Variants in MLKL observed in about 807,000 individuals in gnomAD.
MLKL encodes mixed lineage kinase domain like pseudokinase.
A neutral mutation model predicts 56.5 loss-of-function variants in MLKL; 55 were observed. The ratio of observed to expected loss-of-function variants is 0.97; its 90% CI spans 0.78 to 1.22. The LOEUF (loss-of-function observed/expected upper bound fraction) is 1.22. MLKL is among the 50% of genes most tolerant of loss of function. MLKL has a pLI of 0.00. For synonymous variants in MLKL, 251 were observed against 208.3 expected (o/e 1.20, Z -1.76); for missense variants, 694 against 573.9 (o/e 1.21, Z -2.14).
intron 10 of MLKL, among the ~76,000 whole-genome samples, chr16:74,673,729 A>G (rs1247335509): frequency 1.3e-5 from 2 of 151,972 alleles, no homozygotes; most frequent in African/African-American, 2.4e-5. Flanking sequence ...AAAAGGAGAA[A>G]GATAGTCAAA....
intron 2 of MLKL, among the ~76,000 whole-genome samples, chr16:74,693,813 C>T (rs1379034376): frequency 6.6e-6 from 1 of 152,024 alleles, no homozygotes. Context: ...CCGTGTTAGC[C>T]AGGATGGTCT....
At chr16:74,680,474 G>GTA (rs748823739) in intron 6 of MLKL, among the ~76,000 whole-genome samples, 40 of 151,676 alleles carry the variant, frequency 2.6e-4, no homozygotes, top group Non-Finnish European at 4.7e-4. Flanking sequence ...TCTGCGTTTG[G>GTA]TATTTTTTTT....
In MLKL at chr16:74,691,477, C is replaced by G; in HGVS notation, c.536-14G>C. ...TTGGTGGTAAATCTGACCTCACCCC[C>G]GAGAGGAAAGAAGACAAAAGAGTCA... On this transcript the variant is annotated splice_polypyrimidine_tract_variant and intron_variant, in intron 3 of 10. Coordinates refer to ENST00000308807, the MANE Select transcript of MLKL (RefSeq NM_152649.4). 2 of 1,603,928 alleles carry G rather than the reference C, an allele frequency of 1.2e-6. No individual in the cohort carries two copies. Among genetic ancestry groups the G allele is most frequent in the East Asian group, 2.2e-5 (1 of 44,798 alleles).
chr16:74,691,107 G>A (rs1960645294), intron 4 of MLKL, among the ~76,000 whole-genome samples, 170 bp downstream of exon 4: 1 of 151,886 alleles, frequency 6.6e-6, no homozygotes, highest in South Asian at 2.1e-4. Flanking sequence ...TAGAACTGAG[G>A]TGGAAAGATG....
chr16:74,699,459 G>C (rs1003750099), intron 1 of MLKL, among the ~76,000 whole-genome samples: 5 of 152,118 alleles, frequency 3.3e-5, no homozygotes, highest in Admixed American at 1.3e-4. Context: ...AACTTAAATT[G>C]TTTAAGGTCT....
intron 5 of MLKL, among the ~76,000 whole-genome samples, chr16:74,683,823 G>T (rs1430619873): frequency 6.6e-6 from 1 of 152,110 alleles, no homozygotes; most frequent in Non-Finnish European, 1.5e-5. Flanking sequence ...GGGCGGGTGA[G>T]GACTCAGACA....
intron 5 of MLKL, among the ~76,000 whole-genome samples, chr16:74,685,021 G>C (rs1034190867): frequency 6.6e-6 from 1 of 152,048 alleles, no homozygotes; most frequent in Non-Finnish European, 1.5e-5. Flanking sequence ...CCTGCCACCA[G>C]ACCCAGCTAA....
Position 74,675,480 on chromosome 16 carries a change from A to AC in MLKL, c.1191-77dup, listed in dbSNP as rs1190663318. 3 of 1,580,178 alleles carry AC rather than the reference A, an allele frequency of 1.9e-6. No individual in the cohort carries two copies. The African/African-American group carries it at 4.1e-5, about 21-fold the overall frequency. On this transcript the variant is annotated intron_variant, in intron 8 of 10. Transcript: ENST00000308807. ...CTGTCCCTCTAGCCACTGCCAGAAAACTCAGTGAATTTTTTGATTACTACC... is the reference window on the plus strand; with the variant it reads ...CTGTCCCTCTAGCCACTGCCAGAAAACCTCAGTGAATTTTTTGATTACTACC...
chr16:74,684,219 A>T (rs1960175938), intron 5 of MLKL, among the ~76,000 whole-genome samples: 1 of 151,816 alleles, frequency 6.6e-6, no homozygotes, highest in Non-Finnish European at 1.5e-5. Flanking sequence ...AAGTGCTGGG[A>T]TTACAGATGT....
Position 74,695,666 on chromosome 16 carries a change from A to C in MLKL, c.92T>G (p.Leu31Arg), listed in dbSNP as rs775648581. 5 of 1,614,010 alleles carry C rather than the reference A, an allele frequency of 3.1e-6. No individual in the cohort carries two copies. Among genetic ancestry groups the C allele is most frequent in the Non-Finnish European group, 4.2e-6 (5 of 1,180,034 alleles). Reference sequence around the variant, plus strand: ...GATCAGGCCGAGGACGCGGTGGCCCAGGCGCCGGCACTGTTTCTTGCAGTA... The same window carrying C: ...GATCAGGCCGAGGACGCGGTGGCCCCGGCGCCGGCACTGTTTCTTGCAGTA... ...MKYCKKQCRRLGHRVLGLIKP... is the reference protein window; with the variant it reads ...MKYCKKQCRRRGHRVLGLIKP... Residue 31 changes from leucine to arginine, a missense_variant, in exon 2 of 11, where the codon CTG becomes CGG. Coordinates refer to ENST00000308807, the MANE Select transcript of MLKL (RefSeq NM_152649.4).
intron 10 of MLKL, 141 bp downstream of exon 10, chr16:74,674,816 CAAT>C (rs776970831): frequency 3.4e-5 from 35 of 1,017,162 alleles, no homozygotes; most frequent in Middle Eastern, 5.3e-4. Context: ...TGACAAACAA[CAAT>C]GTTTCAGACA....
intron 4 of MLKL, among the ~76,000 whole-genome samples, chr16:74,686,456 G>A (rs997523490): frequency 3.3e-5 from 5 of 152,142 alleles, no homozygotes; most frequent in Admixed American, 6.5e-5. Context: ...GGTGGCGGGC[G>A]CCTGTAGCCC....
chr16:74,699,062 G>T (rs933785785), intron 1 of MLKL, among the ~76,000 whole-genome samples: 1 of 151,348 alleles, frequency 6.6e-6, no homozygotes, highest in Non-Finnish European at 1.5e-5. Context: ...GCACTGAGCC[G>T]AGATCACACC....
At chr16:74,689,289 AT>A (rs1202242889) in intron 4 of MLKL, among the ~76,000 whole-genome samples, 1 of 151,410 alleles carries the variant, frequency 6.6e-6, no homozygotes, top group Non-Finnish European at 1.5e-5. Flanking sequence ...TAATTTTTGT[AT>A]TTTTTAGTAG....
chr16:74,699,867 T>G (rs11859664), intron 1 of MLKL, among the ~76,000 whole-genome samples: 22,724 of 152,004 alleles, frequency 0.15, 2,032 homozygotes, highest in East Asian at 0.42. Flanking sequence ...CTTGAGCCCA[T>G]GAGTTCGGAG....
chr16:74,672,651 C>A (rs1959303457), intron 10 of MLKL, 113 bp from the exon 11 acceptor site: 2 of 946,066 alleles, frequency 2.1e-6, no homozygotes, highest in Non-Finnish European at 1.7e-6. Flanking sequence ...TCCCCCTGGT[C>A]TGGCTGGTGC....
intron 6 of MLKL, among the ~76,000 whole-genome samples, chr16:74,681,385 G>C (rs972323530): frequency 3.3e-5 from 5 of 152,118 alleles, no homozygotes; most frequent in African/African-American, 9.7e-5. Context: ...AAATAACACT[G>C]GTAGTAGTAT....
Position 74,675,365 on chromosome 16 carries a change from GA to G in MLKL, c.1229del (p.Ile410ThrfsTer17). 6.2e-7 allele frequency: 1 copy of G among 1,614,094 alleles called. No homozygotes were observed. Among genetic ancestry groups the G allele is most frequent in the Non-Finnish European group, 8.5e-7 (1 of 1,180,036 alleles). ...CTTCACATTCTTCACCTTGAAACGG[GA>G]TATCTCCAGTGGCGATTTCCCAGAG... ...IVLWEIATGD[I>X]PFQGCNSEKI... On this transcript the variant is annotated frameshift_variant, in exon 9 of 11. Coordinates refer to ENST00000308807, the MANE Select transcript of MLKL (RefSeq NM_152649.4). LOFTEE classifies it high-confidence loss of function.
intron 5 of MLKL, among the ~76,000 whole-genome samples, chr16:74,685,063 C>T (rs1282259899): frequency 6.6e-6 from 1 of 152,074 alleles, no homozygotes; most frequent in Non-Finnish European, 1.5e-5. Flanking sequence ...GGGGTTTCAC[C>T]ATGTTGGCTG....
Sources: allele counts gnomAD v4.1 joint callset (sites outside exome capture counted in the v4.1 genomes callset), GRCh38; gene constraint gnomAD v4.1.1; transcripts MANE v1.5; gene names NCBI Gene and HGNC (gene_info 2026-07-23, HGNC 2026-07-21).